IRAG1: variants seen among roughly 807,000 people sequenced by gnomAD.
IRAG1 encodes IP3R-associated cGMP kinase substrate.
In IRAG1, 62 loss-of-function variants were observed where a neutral mutation model predicts 106.2. The ratio of observed to expected loss-of-function variants is 0.58; its 90% CI spans 0.48 to 0.72. The LOEUF (loss-of-function observed/expected upper bound fraction) is 0.72. Among genes scored for constraint, IRAG1 ranks in the 30% least tolerant of loss-of-function variants. The pLI, the probability that IRAG1 is intolerant of heterozygous loss-of-function variation, is 0.00. For synonymous variants in IRAG1, 462 were observed against 443.9 expected, an observed-to-expected ratio of 1.04 and a Z score of -0.51; for missense variants, 1,064 against 1,140.7, an observed-to-expected ratio of 0.93 and a Z score of 0.97.
intron 19 of IRAG1, among the ~76,000 whole-genome samples, chr11:10,580,977 T>C (rs578056207): frequency 8.5e-5 from 13 of 152,218 alleles, no homozygotes; most frequent in African/African-American, 2.6e-4. Context: ...TCACAGGGCG[T>C]TGGAATGATT....
chr11:10,624,001 T>A, intron 9 of IRAG1, 145 bp from the exon 10 acceptor site: 1 of 701,418 alleles, frequency 1.4e-6, no homozygotes. Context: ...CATGGCATGG[T>A]GAGGCCTGAG....
chr11:10,635,359 G>A (rs980411499), intron 2 of IRAG1, among the ~76,000 whole-genome samples: 16 of 152,150 alleles, frequency 1.1e-4, no homozygotes, highest in African/African-American at 2.2e-4. Flanking sequence ...GCCTCCTAGC[G>A]TCCCAGAGCA....
chr11:10,606,769 G>A lies in IRAG1; in HGVS notation c.1575C>T (p.Ala525=). 2 of 1,587,934 alleles carry A rather than the reference G, an allele frequency of 1.3e-6. No homozygotes were observed. The highest frequency in any genetic ancestry group is 1.7e-6 in the Non-Finnish European group (2 of 1,166,214). ...LRVHRSLPGS[A]PPLTEKEVEN... ...CAACTTCCTTTTCAGTGAGTGGAGG[G>A]GCACTGTGAAAAAGAAAACACACAA... is the stretch of plus-strand genomic sequence containing the variant. Residue 525 remains alanine, a synonymous_variant, in exon 12 of 21, where the codon GCC becomes GCT. Transcript: ENST00000423302.
chr11:10,688,563 A>G (rs1043183169), intron 1 of IRAG1, among the ~76,000 whole-genome samples: 1 of 152,074 alleles, frequency 6.6e-6, no homozygotes, highest in African/African-American at 2.4e-5. Context: ...CCCTAGAGCC[A>G]GGCTGTGTGC....
intron 1 of IRAG1, among the ~76,000 whole-genome samples, chr11:10,653,978 G>A (rs1291351806): frequency 1.3e-5 from 2 of 152,204 alleles, no homozygotes; most frequent in East Asian, 3.9e-4. Context: ...AACATAGTGA[G>A]GTGACCTTTG....
chr11:10,668,598 C>T (rs958964825), intron 1 of IRAG1, among the ~76,000 whole-genome samples: 3 of 152,148 alleles, frequency 2.0e-5, no homozygotes, highest in Admixed American at 6.5e-5. Flanking sequence ...CTTATAAAGC[C>T]GAAATATGTA....
chr11:10,593,038 C>T (rs867210019), intron 17 of IRAG1, among the ~76,000 whole-genome samples: 3 of 152,264 alleles, frequency 2.0e-5, no homozygotes, highest in African/African-American at 7.2e-5. Context: ...AGTTGTTTCC[C>T]ACTTTTCATT....
At chr11:10,625,418 C>T (rs114925740) in intron 9 of IRAG1, among the ~76,000 whole-genome samples, 1,992 of 152,262 alleles carry the variant, frequency 0.013, 39 homozygotes, top group African/African-American at 0.046. Context: ...GGTTTGATGG[C>T]CAACAGAAGC....
intron 1 of IRAG1, among the ~76,000 whole-genome samples, chr11:10,678,202 A>G (rs1075768): frequency 0.69 from 104,121 of 151,718 alleles, 36,876 homozygotes; most frequent in East Asian, 0.97. Context: ...GACTGGAATT[A>G]ATGGGTCATA....
chr11:10,664,134 C>A (rs1259832124), intron 1 of IRAG1, among the ~76,000 whole-genome samples: 1 of 152,202 alleles, frequency 6.6e-6, no homozygotes, highest in African/African-American at 2.4e-5. Flanking sequence ...CCAACAAGAA[C>A]AACAGCAGCC....
At position 10,609,647 on chromosome 11, in the gene IRAG1, G is replaced by C. The variant is rs574650696; in HGVS notation, c.1571+81C>G. On this transcript the variant is annotated intron_variant, in intron 11 of 20. Coordinates refer to ENST00000423302, the MANE Select transcript of IRAG1 (RefSeq NM_130385.4). ...CTTCTGGGTTCAAGAATTAAGACTG[G>C]TGTTCCTCTGTGTCCCACCTAGAAT... is the stretch of plus-strand genomic sequence containing the variant. 6.2e-5 allele frequency: 92 copies of C among 1,486,948 alleles called. 2 individuals carry two copies. The highest frequency in any genetic ancestry group is 5.2e-4 in the African/African-American group (37 of 70,634). The allele number at this position is 1,486,948 out of a possible 1,614,324, so 92.1% of individuals were successfully genotyped here.
intron 1 of IRAG1, among the ~76,000 whole-genome samples, chr11:10,656,792 G>A (rs529544825): frequency 2.0e-5 from 3 of 152,176 alleles, no homozygotes; most frequent in Non-Finnish European, 4.4e-5. Context: ...TGACTCCTAG[G>A]CCCGCCATCT....
chr11:10,638,607 TAGAG>T (rs1263066618), intron 2 of IRAG1, among the ~76,000 whole-genome samples: 1 of 152,244 alleles, frequency 6.6e-6, no homozygotes, highest in Non-Finnish European at 1.5e-5. Flanking sequence ...CTGTCATATT[TAGAG>T]AATTTCTTTC....
At chr11:10,578,473 G>C (rs943046112) in intron 20 of IRAG1, among the ~76,000 whole-genome samples, 1 of 152,194 alleles carries the variant, frequency 6.6e-6, no homozygotes, top group Non-Finnish European at 1.5e-5. Context: ...TAACAGATAC[G>C]TGACTCAGAC....
chr11:10,669,500 G>A (rs148606185), intron 1 of IRAG1, among the ~76,000 whole-genome samples: 165 of 152,254 alleles, frequency 1.1e-3, no homozygotes, highest in Non-Finnish European at 1.9e-3. Flanking sequence ...CAAATACAGC[G>A]ACTCATTTCT....
intron 13 of IRAG1, 82 bp downstream of exon 13, chr11:10,604,323 C>A: frequency 6.4e-7 from 1 of 1,551,822 alleles, no homozygotes; most frequent in Non-Finnish European, 8.8e-7. Flanking sequence ...ATACTTGGTA[C>A]CTGAGAGAAG....
At chr11:10,639,074 CAT>C (rs1857333781) in intron 2 of IRAG1, among the ~76,000 whole-genome samples, 1 of 152,118 alleles carries the variant, frequency 6.6e-6, no homozygotes, top group Non-Finnish European at 1.5e-5. Flanking sequence ...CATGCACCAC[CAT>C]GCCCAGCTAA....
At chr11:10,632,632 C>A (rs1856795445) in intron 3 of IRAG1, among the ~76,000 whole-genome samples, 1 of 152,168 alleles carries the variant, frequency 6.6e-6, no homozygotes, top group Non-Finnish European at 1.5e-5. Flanking sequence ...GTGGGCCCAG[C>A]CAGCTATGAT....
chr11:10,691,324 GC>G (rs1862040836), intron 1 of IRAG1, among the ~76,000 whole-genome samples: 1 of 152,236 alleles, frequency 6.6e-6, no homozygotes, highest in African/African-American at 2.4e-5. Flanking sequence ...TAAGGTCTCC[GC>G]CCTTGCAGGG....
Sources: allele counts gnomAD v4.1 joint callset (sites outside exome capture counted in the v4.1 genomes callset), GRCh38; gene constraint gnomAD v4.1.1; transcripts MANE v1.5; gene names NCBI Gene and HGNC (gene_info 2026-07-23, HGNC 2026-07-21).